The following PPP1R9A variants were observed in gnomAD, a reference collection of about 807,000 sequenced individuals.
The protein encoded by PPP1R9A is neurabin-1.
In PPP1R9A, 59 loss-of-function variants were observed where a neutral mutation model predicts 141.9. That is an observed-to-expected ratio of 0.42 (90% CI 0.34 to 0.52). The LOEUF is 0.52. Ranked by LOEUF, PPP1R9A falls within the 20% of genes least tolerant of loss-of-function variation. The probability of loss-of-function intolerance (pLI) is 0.10; values close to 1 mark genes in which losing one functional copy is unlikely to be tolerated. For missense variants in PPP1R9A, 1,444 were observed against 1,611.9 expected, an observed-to-expected ratio of 0.90 and a Z score of 1.78; for synonymous variants, 500 against 569.7, an observed-to-expected ratio of 0.88 and a Z score of 1.74.
chr7:95,086,628 C>A (rs1036920970), intron 2 of PPP1R9A, among the ~76,000 whole-genome samples: 1 of 151,966 alleles, frequency 6.6e-6, no homozygotes, highest in Admixed American at 6.6e-5. Flanking sequence ...AAAGGTTTTT[C>A]TTAAAACCTA....
chr7:95,282,086 G>A (rs1185219261), intron 16 of PPP1R9A, among the ~76,000 whole-genome samples: 5 of 152,202 alleles, frequency 3.3e-5, no homozygotes, highest in African/African-American at 1.2e-4. Context: ...ATGAGGCTGA[G>A]TGTTGTGATT....
intron 6 of PPP1R9A, among the ~76,000 whole-genome samples, chr7:95,200,001 T>C (rs915330326): frequency 3.3e-5 from 5 of 151,966 alleles, no homozygotes; most frequent in Non-Finnish European, 5.9e-5. Context: ...GAAGGGGACA[T>C]GGCCAGGCTT....
intron 7 of PPP1R9A, among the ~76,000 whole-genome samples, chr7:95,208,474 C>T (rs1189273728): frequency 6.6e-6 from 1 of 152,088 alleles, no homozygotes; most frequent in Non-Finnish European, 1.5e-5. Context: ...CCTGTAATCC[C>T]AGGACTTTGG....
intron 4 of PPP1R9A, among the ~76,000 whole-genome samples, chr7:95,142,019 A>G (rs1292326283): frequency 6.6e-6 from 1 of 151,446 alleles, no homozygotes; most frequent in Non-Finnish European, 1.5e-5. Context: ...ATTTCTTTAC[A>G]TCCTCATGAG....
chr7:94,932,442 T>A (rs1020640680), intron 2 of PPP1R9A, among the ~76,000 whole-genome samples: 22 of 152,204 alleles, frequency 1.4e-4, no homozygotes, highest in Admixed American at 1.2e-3. Flanking sequence ...TTTTTGTGAA[T>A]GTTATTTTGA....
At chr7:95,157,113 G>A (rs1829741475) in intron 4 of PPP1R9A, among the ~76,000 whole-genome samples, 1 of 152,126 alleles carries the variant, frequency 6.6e-6, no homozygotes, top group South Asian at 2.1e-4. Flanking sequence ...GTATCTGTCT[G>A]CCTCCCCCTG....
At chr7:95,286,777 A>C (rs1317156144) in intron 18 of PPP1R9A, among the ~76,000 whole-genome samples, 2 of 152,206 alleles carry the variant, frequency 1.3e-5, no homozygotes, top group Non-Finnish European at 2.9e-5. Context: ...ATTTAAAAAC[A>C]AGGGTCAAAA....
At chr7:94,934,903 A>G (rs1026853891) in intron 2 of PPP1R9A, among the ~76,000 whole-genome samples, 1 of 152,020 alleles carries the variant, frequency 6.6e-6, no homozygotes, top group African/African-American at 2.4e-5. Context: ...GCTGGAGTAC[A>G]GTGGTTATTC....
intron 5 of PPP1R9A, among the ~76,000 whole-genome samples, chr7:95,179,971 A>G (rs183011106): frequency 6.2e-4 from 95 of 152,310 alleles, no homozygotes; most frequent in Admixed American, 3.0e-3. Context: ...TCCAAATGCA[A>G]TGCAATTCCC....
intron 5 of PPP1R9A, among the ~76,000 whole-genome samples, chr7:95,187,500 G>T (rs972792231): frequency 2.6e-5 from 4 of 151,834 alleles, no homozygotes; most frequent in African/African-American, 9.7e-5. Context: ...TTTGTTGTTT[G>T]TTTCAATTTC....
At chr7:95,187,349 A>G (rs1180401287) in intron 5 of PPP1R9A, among the ~76,000 whole-genome samples, 1 of 151,948 alleles carries the variant, frequency 6.6e-6, no homozygotes, top group African/African-American at 2.4e-5. Flanking sequence ...TTTCTGTGGT[A>G]TTGGTTGCAG....
chr7:95,117,877 T>C (rs185565305), intron 3 of PPP1R9A, among the ~76,000 whole-genome samples: 270 of 152,292 alleles, frequency 1.8e-3, no homozygotes, highest in African/African-American at 6.1e-3. Flanking sequence ...AGAGAAATTC[T>C]ATGGTATTTT....
intron 2 of PPP1R9A, among the ~76,000 whole-genome samples, chr7:95,017,077 T>C (rs1421433584): frequency 1.3e-5 from 2 of 152,084 alleles, no homozygotes; most frequent in Non-Finnish European, 2.9e-5. Context: ...CCAAGGAACT[T>C]CTAGGACAAC....
intron 5 of PPP1R9A, among the ~76,000 whole-genome samples, chr7:95,173,427 A>G (rs1832440471): frequency 6.6e-6 from 1 of 151,974 alleles, no homozygotes; most frequent in African/African-American, 2.4e-5. Context: ...CTCTAAATGA[A>G]TGAAAAAAAA....
In PPP1R9A at chr7:95,240,485, C is replaced by CT. The variant is rs368335486; in HGVS notation, c.2113-6988_2113-6987insT. ...TTATGGTTTTATTTTGTCTTTTTTT[C>CT]GTGTCTGAGATTGTTTCTTAAATTT... On this transcript the variant is annotated intron_variant, in intron 8 of 19. Transcript: ENST00000433360. Among the ~76,000 whole-genome samples, 647 of 149,680 alleles carry CT rather than the reference C, an allele frequency of 4.3e-3. 4 individuals are homozygous for CT. The highest frequency in any genetic ancestry group is 0.014 in the African/African-American group (583 of 40,802).
At chr7:95,209,780 A>G (rs985529917) in intron 7 of PPP1R9A, among the ~76,000 whole-genome samples, 1 of 152,208 alleles carries the variant, frequency 6.6e-6, no homozygotes, top group Non-Finnish European at 1.5e-5. Flanking sequence ...CAATTTTTAT[A>G]TAAACACCAT....
chr7:95,217,639 A>G (rs1367282227), intron 7 of PPP1R9A, among the ~76,000 whole-genome samples: 1 of 152,164 alleles, frequency 6.6e-6, no homozygotes, highest in African/African-American at 2.4e-5. Flanking sequence ...TTATTGCCTC[A>G]ATTTCAGAGC....
intron 2 of PPP1R9A, among the ~76,000 whole-genome samples, chr7:95,034,216 A>G (rs1177725254): frequency 1.3e-5 from 2 of 152,052 alleles, no homozygotes; most frequent in East Asian, 1.9e-4. Flanking sequence ...AGATTTTTGT[A>G]TGTCCTTTGC....
chr7:94,985,956 G>A (rs370050520), intron 2 of PPP1R9A, among the ~76,000 whole-genome samples: 3 of 152,250 alleles, frequency 2.0e-5, no homozygotes, highest in East Asian at 3.9e-4. Context: ...GTTGGGAGGA[G>A]GAGACATAAT....
Sources: allele counts gnomAD v4.1 joint callset (sites outside exome capture counted in the v4.1 genomes callset), GRCh38; gene constraint gnomAD v4.1.1; transcripts MANE v1.5; gene names NCBI Gene and HGNC (gene_info 2026-07-23, HGNC 2026-07-21).